Variants in FOXL3 observed in about 807,000 individuals in gnomAD.
FOXL3 encodes the protein forkhead box protein L3.
A neutral mutation model predicts 10.9 loss-of-function variants in FOXL3; 16 were observed. The ratio of observed to expected loss-of-function variants is 1.46; its 90% confidence interval spans 0.99 to 2.22. The LOEUF (loss-of-function observed/expected upper bound fraction) is 2.22, where lower values mean the gene tolerates loss of function less well. FOXL3 is among the 30% of genes most tolerant of loss of function. FOXL3 has a pLI of 0.00. For synonymous variants in FOXL3, 170 were observed against 152.0 expected (o/e 1.12, Z -0.87); for missense variants, 400 against 337.9 (o/e 1.18, Z -1.44).
chr7:290,668 C>G lies in FOXL3; in HGVS notation c.123C>G (p.Ile41Met). The G allele has an allele frequency of 2.1e-6, 3 of 1,419,872 alleles. No homozygotes were observed. Among genetic ancestry groups the G allele is most frequent in the Non-Finnish European group, 2.7e-6 (3 of 1,090,972 alleles). 88.0% of individuals were successfully genotyped at this position (1,419,872 alleles called of 1,614,324 possible). A position where few individuals can be genotyped will look rare whatever the true frequency, so the allele number is the denominator to read the frequency against. The change falls in exon 2 of 3, where the codon ATC (isoleucine) becomes ATG (methionine). Residue 41 changes from isoleucine (I) to methionine (M), a missense_variant. Transcript: ENST00000506382. ...GGCTCCGCAGCTACATCGCCTTGAT[C>G]GCCATGGCCATTCAGCAGAGCCCCG... ...TRPAYSYIALIAMAIQQSPAG... is the reference protein window; with the variant it reads ...TRPAYSYIALMAMAIQQSPAG...
In FOXL3 at chr7:291,075, G is replaced by A. The variant is rs1277083763; in HGVS notation, c.289G>A (p.Glu97Lys). The change falls in exon 3 of 3, where the codon GAG (glutamate) becomes AAG (lysine). Residue 97 changes from glutamate to lysine, a missense_variant. By Grantham distance (56) the Glu-to-Lys change is moderately conservative. Coordinates refer to ENST00000506382, the MANE Select transcript of FOXL3 (RefSeq NM_001374838.1). Reference protein sequence around the residue: ...NSCFVKVPRSEGHEKGKGNYW... With the variant: ...NSCFVKVPRSKGHEKGKGNYW... ...TCCGCGCGCGCAGGTGCCGCGGTCC[G>A]AGGGCCACGAGAAGGGCAAAGGCAA... 6.4e-6 allele frequency: 9 copies of A among 1,413,776 alleles called. No homozygotes were observed. The South Asian group carries it at 1.3e-4, about 20-fold the overall frequency. 87.6% of individuals were successfully genotyped at this position (1,413,776 alleles called of 1,614,324 possible).
rs1270925820 is a variant in FOXL3 at position 291,277 on chromosome 7, C to T, written c.491C>T (p.Ala164Val). The change falls in exon 3 of 3, where the codon GCC (alanine) becomes GTC (valine). Residue 164 changes from alanine to valine, a missense_variant. Transcript: ENST00000506382. ...CCGCCCGCCGCTCAGGGGCGCCTGG[C>T]CCCGGACAGCGCTGGCGAGGGCGCC... ...SEPPAAQGRLAPDSAGEGAPG... is the reference protein window; with the variant it reads ...SEPPAAQGRLVPDSAGEGAPG... 6.6e-6 allele frequency: 8 copies of T among 1,213,194 alleles called. No individual in the cohort carries two copies. The African/African-American group carries it at 9.5e-5, about 14-fold the overall frequency. The allele number at this position is 1,213,194 out of a possible 1,614,324, so 75.2% of individuals were successfully genotyped here. A position where few individuals can be genotyped will look rare whatever the true frequency, so the allele number is the denominator to read the frequency against.
intron 1 of FOXL3, among the ~76,000 whole-genome samples, 172 bp downstream of exon 1, chr7:290,448 G>T (rs990356949): frequency 6.6e-6 from 1 of 152,170 alleles, no homozygotes; most frequent in Non-Finnish European, 1.5e-5. Context: ...AGCCAGGGAG[G>T]GTTCTTGGCC....
In FOXL3 at chr7:291,338, G is replaced by C; in HGVS notation, c.552G>C (p.Pro184=). ...AGCCCCCCGCCAGCCCCGCTCCCCCGGGGAAGGAGCACCCCCGGGACCTCA... is the reference window on the plus strand; with the variant it reads ...AGCCCCCCGCCAGCCCCGCTCCCCCCGGGAAGGAGCACCCCCGGGACCTCA... ...GREPPASPAP[P]GKEHPRDLKF... The change falls in exon 3 of 3, where the codon CCG becomes CCC. Residue 184 remains proline, a synonymous_variant. Coordinates refer to ENST00000506382, the MANE Select transcript of FOXL3 (RefSeq NM_001374838.1). 1 of 1,280,394 alleles carries C rather than the reference G, an allele frequency of 7.8e-7. No homozygotes were observed. The highest frequency in any genetic ancestry group is 3.1e-5 in the East Asian group (1 of 32,142). 79.3% of individuals were successfully genotyped at this position (1,280,394 alleles called of 1,614,324 possible).
In FOXL3 at chr7:291,314, G is replaced by A; in HGVS notation, c.528G>A (p.Glu176=). 1.6e-6 allele frequency: 2 copies of A among 1,256,934 alleles called. No homozygotes were observed. Among genetic ancestry groups the A allele is most frequent in the East Asian group, 6.3e-5 (2 of 31,838 alleles). The allele number at this position is 1,256,934 out of a possible 1,614,324, so 77.9% of individuals were successfully genotyped here. Residue 176 remains glutamate (E), a synonymous_variant, in exon 3 of 3, where the codon GAG becomes GAA. Transcript: ENST00000506382. ...DSAGEGAPGR[E]PPASPAPPGK... is the part of the protein sequence containing the mutation. ...CTGGCGAGGGCGCCCCGGGCCGTGA[G>A]CCCCCCGCCAGCCCCGCTCCCCCGG...
Position 291,352 on chromosome 7 carries a change from C to A in FOXL3, c.566C>A (p.Pro189His). ...ASPAPPGKEH[P>H]RDLKFSIDYI... ...CCCGCTCCCCCGGGGAAGGAGCACC[C>A]CCGGGACCTCAAGTTCAGCATCGAC... is the stretch of plus-strand genomic sequence containing the variant. Residue 189 changes from proline to histidine, a missense_variant, in exon 3 of 3, where the codon CCC becomes CAC. Pro to His is a moderately conservative substitution (Grantham distance 77). Coordinates refer to ENST00000506382, the MANE Select transcript of FOXL3 (RefSeq NM_001374838.1). 7.6e-7 allele frequency: 1 copy of A among 1,311,340 alleles called. No individual in the cohort carries two copies. The highest frequency in any genetic ancestry group is 1.5e-5 in the African/African-American group (1 of 65,574). 81.2% of individuals were successfully genotyped at this position (1,311,340 alleles called of 1,614,324 possible).
chr7:291,286 G>T lies in FOXL3; in HGVS notation c.500G>T (p.Ser167Ile). The change falls in exon 3 of 3, where the codon AGC (serine) becomes ATC (isoleucine). Residue 167 changes from serine (S) to isoleucine (I), a missense_variant. Physicochemically the swap from Ser to Ile is moderately radical, Grantham distance 142 (BLOSUM62 -2). Transcript: ENST00000506382. The part of the protein sequence containing the change: ...PAAQGRLAPD[S>I]AGEGAPGREP... ...GCTCAGGGGCGCCTGGCCCCGGACAGCGCTGGCGAGGGCGCCCCGGGCCGT... is the reference window on the plus strand; with the variant it reads ...GCTCAGGGGCGCCTGGCCCCGGACATCGCTGGCGAGGGCGCCCCGGGCCGT... 1 of 1,230,074 alleles carries T rather than the reference G, an allele frequency of 8.1e-7. No homozygotes were observed. The highest frequency in any genetic ancestry group is 3.5e-5 in the South Asian group (1 of 28,188). 76.2% of individuals were successfully genotyped at this position (1,230,074 alleles called of 1,614,324 possible). A position where few individuals can be genotyped will look rare whatever the true frequency, so the allele number is the denominator to read the frequency against.
Position 291,278 on chromosome 7 carries a change from C to G in FOXL3, c.492C>G (p.Ala164=). 5 of 1,214,752 alleles carry G rather than the reference C, an allele frequency of 4.1e-6. No homozygotes were observed. Among genetic ancestry groups the G allele is most frequent in the Non-Finnish European group, 5.1e-6 (5 of 975,932 alleles). 75.2% of individuals were successfully genotyped at this position (1,214,752 alleles called of 1,614,324 possible). Residue 164 remains alanine (A), a synonymous_variant, in exon 3 of 3, where the codon GCC becomes GCG. Transcript: ENST00000506382. ...CGCCCGCCGCTCAGGGGCGCCTGGCCCCGGACAGCGCTGGCGAGGGCGCCC... is the reference window on the plus strand; with the variant it reads ...CGCCCGCCGCTCAGGGGCGCCTGGCGCCGGACAGCGCTGGCGAGGGCGCCC... ...SEPPAAQGRL[A]PDSAGEGAPG...
Position 291,425 on chromosome 7 carries a change from C to A in FOXL3, c.639C>A (p.Cys213Ter). 1 of 1,257,154 alleles carries A rather than the reference C, an allele frequency of 8.0e-7. No homozygotes were observed. The highest frequency in any genetic ancestry group is 1.0e-6 in the Non-Finnish European group (1 of 1,000,378). The allele number at this position is 1,257,154 out of a possible 1,614,324, so 77.9% of individuals were successfully genotyped here. A position where few individuals can be genotyped will look rare whatever the true frequency, so the allele number is the denominator to read the frequency against. ...CCTTCCCTGGGCTCAAGCCGCCCTG[C>A]CTCGCACAAGAGGGCAGATACCCGC... is the stretch of plus-strand genomic sequence containing the variant. The part of the protein sequence containing the change: ...PDPFPGLKPP[C>*]LAQEGRYPRL... Residue 213 changes from cysteine to a stop codon, truncating the protein, a stop_gained, in exon 3 of 3, where the codon TGC (cysteine) becomes TGA (stop). Coordinates refer to ENST00000506382, the MANE Select transcript of FOXL3 (RefSeq NM_001374838.1). LOFTEE classifies it low-confidence loss of function (END_TRUNC).
chr7:290,816 G>C lies in FOXL3; in HGVS notation c.271G>C (p.Val91Leu). 1.4e-6 allele frequency: 2 copies of C among 1,461,574 alleles called. No individual in the cohort carries two copies. Among genetic ancestry groups the C allele is most frequent in the Admixed American group, 5.1e-5 (2 of 38,960 alleles). The allele number at this position is 1,461,574 out of a possible 1,614,324, so 90.5% of individuals were successfully genotyped here. ...RHNLSLNSCFVKVPRSEGHEK... is the reference protein window; with the variant it reads ...RHNLSLNSCFLKVPRSEGHEK... ...CAACCTGTCCCTCAACAGCTGCTTCGTCAAGGTGAGCGCCGCCCCCGACGG... is the reference window on the plus strand; with the variant it reads ...CAACCTGTCCCTCAACAGCTGCTTCCTCAAGGTGAGCGCCGCCCCCGACGG... Residue 91 changes from valine to leucine, a missense_variant, in exon 2 of 3, where the codon GTC becomes CTC. Val to Leu is a conservative substitution (Grantham distance 32). Coordinates refer to ENST00000506382, the MANE Select transcript of FOXL3 (RefSeq NM_001374838.1).
In FOXL3 at chr7:291,211, C is replaced by T; in HGVS notation, c.425C>T (p.Pro142Leu). 1.7e-6 allele frequency: 2 copies of T among 1,170,430 alleles called. No homozygotes were observed. The highest frequency in any genetic ancestry group is 2.1e-6 in the Non-Finnish European group (2 of 950,358). 72.5% of individuals were successfully genotyped at this position (1,170,430 alleles called of 1,614,324 possible). A position where few individuals can be genotyped will look rare whatever the true frequency, so the allele number is the denominator to read the frequency against. ...RGPKREGPRGPRAGGAQGPSG... is the reference protein window; with the variant it reads ...RGPKREGPRGLRAGGAQGPSG... ...CCCAAGCGCGAGGGGCCGAGGGGTC[C>T]GCGCGCGGGGGGCGCCCAGGGGCCG... is the stretch of plus-strand genomic sequence containing the variant. Residue 142 changes from proline (P) to leucine (L), a missense_variant, in exon 3 of 3, where the codon CCG (proline) becomes CTG (leucine). Physicochemically the swap from Pro to Leu is moderately conservative, Grantham distance 98 (BLOSUM62 -3). Coordinates refer to ENST00000506382, the MANE Select transcript of FOXL3 (RefSeq NM_001374838.1).
Position 291,190 on chromosome 7 carries a change from A to T in FOXL3, c.404A>T (p.Lys135Met), listed in dbSNP as rs945372248. Residue 135 changes from lysine to methionine, a missense_variant, in exon 3 of 3, where the codon AAG (lysine) becomes ATG (methionine). Lys to Met is a moderately conservative substitution (Grantham distance 95). Transcript: ENST00000506382. ...YRRRRRRRGP[K>M]REGPRGPRAG... ...CGGCGGCGGCGGCGGCGCGGCCCCA[A>T]GCGCGAGGGGCCGAGGGGTCCGCGC... 1.3e-5 allele frequency: 16 copies of T among 1,238,142 alleles called. No individual in the cohort carries two copies. In the African/African-American group the frequency reaches 2.6e-4, roughly 20 times the overall value. The allele number at this position is 1,238,142 out of a possible 1,614,324, so 76.7% of individuals were successfully genotyped here.
Position 291,464 on chromosome 7 carries a change from G to A in FOXL3, c.678G>A (p.Val226=). Residue 226 remains valine (V), a synonymous_variant, in exon 3 of 3, where the codon GTG becomes GTA. Transcript: ENST00000506382. ...QEGRYPRLEN[V]GLHFWTM ...GCAGATACCCGCGGCTGGAGAACGTGGGACTCCACTTTTGGACAATGTGAT... is the reference window on the plus strand; with the variant it reads ...GCAGATACCCGCGGCTGGAGAACGTAGGACTCCACTTTTGGACAATGTGAT... 5 of 1,236,802 alleles carry A rather than the reference G, an allele frequency of 4.0e-6. No individual in the cohort carries two copies. The highest frequency in any genetic ancestry group is 5.1e-6 in the Non-Finnish European group (5 of 989,152). 76.6% of individuals were successfully genotyped at this position (1,236,802 alleles called of 1,614,324 possible).
intron 1 of FOXL3, 29 bp downstream of exon 1, chr7:290,305 G>A: frequency 6.7e-7 from 1 of 1,500,208 alleles, no homozygotes; most frequent in Non-Finnish European, 9.0e-7. Flanking sequence ...CTGGGGCTTT[G>A]GGGGACAGTG....
At chr7:291,010 G>A (rs1778633661) in intron 2 of FOXL3, 53 bp from the exon 3 acceptor site, 1 of 1,331,180 alleles carries the variant, frequency 7.5e-7, no homozygotes, top group Non-Finnish European at 9.6e-7. Context: ...GACAAGGCGG[G>A]CGGGCGCACC....
Position 290,706 on chromosome 7 carries a change from C to A in FOXL3, c.161C>A (p.Thr54Asn). 2.0e-6 allele frequency: 3 copies of A among 1,474,032 alleles called. No individual in the cohort carries two copies. Among genetic ancestry groups the A allele is most frequent in the Non-Finnish European group, 1.8e-6 (2 of 1,119,546 alleles). The allele number at this position is 1,474,032 out of a possible 1,614,324, so 91.3% of individuals were successfully genotyped here. The change falls in exon 2 of 3, where the codon ACC (threonine) becomes AAC (asparagine). Residue 54 changes from threonine (T) to asparagine (N), a missense_variant. By Grantham distance (65) the Thr-to-Asn change is moderately conservative. Transcript: ENST00000506382. ...AIQQSPAGRV[T>N]LSGIYDFIMR... is the part of the protein sequence containing the mutation. ...CAGCAGAGCCCCGCGGGGAGGGTGA[C>A]CCTGTCCGGCATCTACGACTTCATC...
At chr7:291,016 G>T in intron 2 of FOXL3, 47 bp from the exon 3 acceptor site, 2 of 1,332,318 alleles carry the variant, frequency 1.5e-6, no homozygotes, top group East Asian at 3.2e-5. Flanking sequence ...GCGGGCGGGC[G>T]CACCGTGCAG....
Position 290,717 on chromosome 7 carries a change from A to G in FOXL3, c.172A>G (p.Ile58Val), listed in dbSNP as rs1294487014. ...SPAGRVTLSGIYDFIMRKFPY... is the reference protein window; with the variant it reads ...SPAGRVTLSGVYDFIMRKFPY... The stretch of plus-strand genomic sequence containing the variant: ...CGCGGGGAGGGTGACCCTGTCCGGC[A>G]TCTACGACTTCATCATGCGCAAATT... Residue 58 changes from isoleucine to valine, a missense_variant, in exon 2 of 3, where the codon ATC becomes GTC. Ile to Val is a conservative substitution (Grantham distance 29). Coordinates refer to ENST00000506382, the MANE Select transcript of FOXL3 (RefSeq NM_001374838.1). The G allele has an allele frequency of 6.7e-7, 1 of 1,481,926 alleles. No individual in the cohort carries two copies. Among genetic ancestry groups the G allele is most frequent in the African/African-American group, 1.4e-5 (1 of 70,204 alleles). 91.8% of individuals were successfully genotyped at this position (1,481,926 alleles called of 1,614,324 possible). A position where few individuals can be genotyped will look rare whatever the true frequency, so the allele number is the denominator to read the frequency against.
Position 290,263 on chromosome 7 carries a change from C to T in FOXL3, c.94C>T (p.Arg32Trp), listed in dbSNP as rs1778610763. Residue 32 changes from arginine (R) to tryptophan (W), a missense_variant, in exon 1 of 3, where the codon CGG becomes TGG. Coordinates refer to ENST00000506382, the MANE Select transcript of FOXL3 (RefSeq NM_001374838.1). ...CTCCGACGAAGACAAGAGGCTCACG[C>T]GGCCCGCGTACAGGTGACTGCGGGG... Reference protein sequence around the residue: ...GSSDEDKRLTRPAYSYIALIA... With the variant: ...GSSDEDKRLTWPAYSYIALIA... 5.2e-6 allele frequency: 8 copies of T among 1,535,660 alleles called. No homozygotes were observed. Among genetic ancestry groups the T allele is most frequent in the South Asian group, 1.2e-5 (1 of 84,064 alleles).
Sources: gnomAD v4.1 joint callset for allele counts (sites outside exome capture counted in the v4.1 genomes callset) on GRCh38, gnomAD v4.1.1 for gene constraint, MANE v1.5 for transcripts, NCBI Gene and HGNC (gene_info 2026-07-23, HGNC 2026-07-21) for gene names.